Variants in INO80 observed in about 807,000 individuals in gnomAD.
INO80 encodes chromatin-remodeling ATPase INO80.
In INO80, 20 loss-of-function variants were observed where a neutral mutation model predicts 203.4. That is an observed-to-expected ratio of 0.10 (90% CI 0.07 to 0.14). The LOEUF (loss-of-function observed/expected upper bound fraction) is 0.14. INO80 is among the 10% of genes least tolerant of loss of function. The pLI, the probability that INO80 is intolerant of heterozygous loss-of-function variation, is 1.00. For missense variants in INO80, 1,419 were observed against 1,914.4 expected, an observed-to-expected ratio of 0.74 and a Z score of 4.83; for synonymous variants, 726 against 685.2, an observed-to-expected ratio of 1.06 and a Z score of -0.93.
In INO80 at chr15:41,096,356, G is replaced by T; in HGVS notation, c.-43-3C>A. 6.6e-7 allele frequency: 1 copy of T among 1,514,196 alleles called. No homozygotes were observed. The highest frequency in any genetic ancestry group is 8.8e-7 in the Non-Finnish European group (1 of 1,134,950). The allele number at this position is 1,514,196 out of a possible 1,614,324, so 93.8% of individuals were successfully genotyped here. A position where few individuals can be genotyped will look rare whatever the true frequency, so the allele number is the denominator to read the frequency against. On this transcript the variant is annotated splice_region_variant and splice_polypyrimidine_tract_variant and intron_variant, in intron 1 of 35. Transcript: ENST00000648947. ...CACAAGGACCTCCGACTGCACGGCT[G>T]CAGAACAGAGATAAGAAGTGAAAGA...
intron 28 of INO80, among the ~76,000 whole-genome samples, chr15:40,998,833 T>C (rs1433528493): frequency 2.0e-5 from 3 of 152,054 alleles, no homozygotes; most frequent in African/African-American, 7.2e-5. Flanking sequence ...GGCTAATTTT[T>C]GTATTTTTAG....
intron 14 of INO80, among the ~76,000 whole-genome samples, chr15:41,065,986 T>C (rs946756442): frequency 6.7e-6 from 1 of 149,966 alleles, no homozygotes; most frequent in Admixed American, 6.7e-5. Context: ...TACTACATTG[T>C]ACTTTTTTTT....
rs777347291 is a variant in INO80, at chr15:40,980,303, G to A, written c.4591C>T (p.Leu1531Phe). 8 of 1,613,810 alleles carry A rather than the reference G, an allele frequency of 5.0e-6. No individual in the cohort carries two copies. The African/African-American group carries it at 9.3e-5, about 19-fold the overall frequency. The change falls in exon 36 of 36, where the codon CTC becomes TTC. Residue 1531 changes from leucine (L) to phenylalanine (F), a missense_variant. Around this residue, in one of 9 missense-constraint regions of INO80, gnomAD observed 112 missense variants for 106.2 expected, o/e 1.05. Coordinates refer to ENST00000648947, the MANE Select transcript of INO80 (RefSeq NM_017553.3). Reference sequence around the variant, plus strand: ...GGGGCTAGGCTGCTGGTCATGTGGAGGTTCTTGGGATTCCCAGGAACATTA... The same window carrying A: ...GGGGCTAGGCTGCTGGTCATGTGGAAGTTCTTGGGATTCCCAGGAACATTA... ...GNNVPGNPKNLHMTSSLAPDS... is the reference protein window; with the variant it reads ...GNNVPGNPKNFHMTSSLAPDS...
chr15:41,050,407 G>C (rs2044849600), intron 19 of INO80, among the ~76,000 whole-genome samples: 1 of 152,190 alleles, frequency 6.6e-6, no homozygotes, highest in African/African-American at 2.4e-5. Flanking sequence ...ACCCAGGCCA[G>C]TACCTGCAAC....
intron 8 of INO80, 28 bp downstream of exon 8, chr15:41,080,992 A>C: frequency 1.3e-6 from 2 of 1,482,896 alleles, no homozygotes; most frequent in African/African-American, 1.4e-5. Context: ...CAAAACATGA[A>C]ATGGAAAATA....
chr15:41,004,215 ATCT>A (rs1272929988), intron 28 of INO80, among the ~76,000 whole-genome samples: 2 of 152,202 alleles, frequency 1.3e-5, no homozygotes, highest in Non-Finnish European at 2.9e-5. Context: ...TTTGAAGCAG[ATCT>A]TCTCCTTATT....
At chr15:41,003,658 A>G (rs565688646) in intron 28 of INO80, among the ~76,000 whole-genome samples, 2 of 152,018 alleles carry the variant, frequency 1.3e-5, no homozygotes, top group East Asian at 3.9e-4. Context: ...TATTTTTCAA[A>G]TTTTTCTCAA....
At chr15:41,066,135 T>C (rs993731147) in intron 14 of INO80, among the ~76,000 whole-genome samples, 1 of 151,676 alleles carries the variant, frequency 6.6e-6, no homozygotes, top group Non-Finnish European at 1.5e-5. Context: ...TGTGCCACCA[T>C]GCCCAGCTAA....
At chr15:41,072,641 CAAAA>C (rs747499405) in intron 11 of INO80, among the ~76,000 whole-genome samples, 1 of 45,978 alleles carries the variant, frequency 2.2e-5, no homozygotes, top group Non-Finnish European at 4.6e-5. Context: ...ACTCCCGCCT[CAAAA>C]AAAAAAAAAA....
In INO80 at chr15:41,055,927, T is replaced by C. The variant is rs113904809; in HGVS notation, c.2071-563A>G. 2.8e-3 allele frequency among the ~76,000 whole-genome samples: 407 copies of C among 145,950 alleles called. 1 individual carries two copies. The highest frequency in any genetic ancestry group is 9.4e-3 in the African/African-American group (378 of 40,344). ...AATATATACTATCTGTCAGTTTCTA[T>C]AAAGTTTTCTTCTTTTGGTTTTTTT... On this transcript the variant is annotated intron_variant, in intron 17 of 35. Coordinates refer to ENST00000648947, the MANE Select transcript of INO80 (RefSeq NM_017553.3).
intron 8 of INO80, among the ~76,000 whole-genome samples, chr15:41,080,581 C>T (rs1056122250): frequency 2.0e-5 from 3 of 152,284 alleles, no homozygotes; most frequent in Non-Finnish European, 4.4e-5. Flanking sequence ...TGAGGCCGGG[C>T]GCGGTGGCTC....
chr15:41,008,342 T>C (rs1359516751), intron 27 of INO80, among the ~76,000 whole-genome samples: 2 of 151,872 alleles, frequency 1.3e-5, no homozygotes, highest in Non-Finnish European at 2.9e-5. Context: ...GAAAGACAAA[T>C]ACTGCATGGT....
At chr15:41,044,267 T>C (rs1330174077) in intron 24 of INO80, among the ~76,000 whole-genome samples, 1 of 152,342 alleles carries the variant, frequency 6.6e-6, no homozygotes, top group Admixed American at 6.5e-5. Flanking sequence ...ATAGGGGTTT[T>C]ATTCATAATA....
chr15:41,073,738 C>T (rs963213816), intron 10 of INO80, among the ~76,000 whole-genome samples: 2 of 152,126 alleles, frequency 1.3e-5, no homozygotes, highest in African/African-American at 2.4e-5. Context: ...GGCACTGCCT[C>T]TCAGTACTGG....
intron 26 of INO80, chr15:41,016,971 G>C (rs554074018): frequency 4.0e-5 from 6 of 151,850 alleles, no homozygotes; most frequent in African/African-American, 1.4e-4. Flanking sequence ...CTGAGCCATG[G>C]TACCCAGCCC....
intron 27 of INO80, 44 bp downstream of exon 27, chr15:41,016,044 T>A: frequency 1.3e-6 from 2 of 1,541,732 alleles, no homozygotes; most frequent in Non-Finnish European, 1.8e-6. Flanking sequence ...TTCCTACAAA[T>A]TAAATGTCAA....
intron 25 of INO80, among the ~76,000 whole-genome samples, chr15:41,026,633 A>T (rs1327657993): frequency 6.6e-6 from 1 of 152,154 alleles, no homozygotes; most frequent in East Asian, 1.9e-4. Context: ...GTGGAGAAAC[A>T]AGAGAAAAAC....
intron 2 of INO80, 52 bp from the exon 3 acceptor site, chr15:41,095,980 T>C: frequency 6.5e-7 from 1 of 1,549,288 alleles, no homozygotes; most frequent in East Asian, 2.3e-5. Context: ...TAAAATATAA[T>C]TTAAAGTTAG....
At chr15:40,998,987 C>CACACACACACACAG (rs2043920421) in intron 28 of INO80, among the ~76,000 whole-genome samples, 1 of 142,670 alleles carries the variant, frequency 7.0e-6, no homozygotes, top group African/African-American at 2.5e-5. Context: ...TTTATCTACA[C>CACACACACACACAG]ACACACACAC....
Sources: gnomAD v4.1 joint callset for allele counts (sites outside exome capture counted in the v4.1 genomes callset) on GRCh38, gnomAD v4.1.1 for gene constraint, gnomAD v4.1.1 regional missense constraint, MANE v1.5 for transcripts, NCBI Gene and HGNC (gene_info 2026-07-23, HGNC 2026-07-21) for gene names.